The following CDH8 variants were observed in gnomAD, a reference collection of about 807,000 sequenced individuals.
The protein encoded by CDH8 is cadherin-8.
CDH8 carries 17 observed loss-of-function variants against 68.1 expected under a neutral mutation model. That is an observed-to-expected ratio of 0.25 (90% CI 0.17 to 0.37). The LOEUF is 0.37. CDH8 is among the 10% of genes least tolerant of loss of function. CDH8 has a pLI of 1.00. For synonymous variants in CDH8, 372 were observed against 365.1 expected (o/e 1.02, Z -0.21); for missense variants, 763 against 999.3 (o/e 0.76, Z 3.19).
intron 3 of CDH8, among the ~76,000 whole-genome samples, chr16:61,875,251 TCTTA>T (rs1647309984): frequency 6.6e-6 from 1 of 152,134 alleles, no homozygotes; most frequent in Non-Finnish European, 1.5e-5. Flanking sequence ...GTATCATGGC[TCTTA>T]CTGTTTTTAG....
chr16:61,831,963 T>C (rs2060777635), intron 4 of CDH8, among the ~76,000 whole-genome samples: 2 of 151,810 alleles, frequency 1.3e-5, no homozygotes, highest in Admixed American at 1.3e-4. Context: ...AGGGGTCTTT[T>C]ACTTATGAGG....
At chr16:61,745,604 T>C (rs1233120091) in intron 8 of CDH8, among the ~76,000 whole-genome samples, 3 of 151,376 alleles carry the variant, frequency 2.0e-5, no homozygotes, top group Non-Finnish European at 3.0e-5. Flanking sequence ...TCTTTTTTTT[T>C]TTTTCTATTC....
chr16:61,923,973 A>G (rs1003399611), intron 2 of CDH8, among the ~76,000 whole-genome samples: 8 of 151,116 alleles, frequency 5.3e-5, no homozygotes, highest in Admixed American at 1.3e-4. Flanking sequence ...GTAAAAACAC[A>G]GATTACTGGG....
chr16:61,889,568 G>A (rs147152160), intron 3 of CDH8, among the ~76,000 whole-genome samples: 2 of 152,220 alleles, frequency 1.3e-5, no homozygotes, highest in East Asian at 1.9e-4. Context: ...TATGTGTTTC[G>A]GAGCTGCCCT....
Position 61,789,494 on chromosome 16 carries a change from A to C in CDH8, c.1278-12T>G, listed in dbSNP as rs375986777. The C allele has an allele frequency of 1.3e-5, 21 of 1,611,298 alleles. No individual in the cohort carries two copies. In the African/African-American group the frequency reaches 2.4e-4, roughly 18 times the overall value. On this transcript the variant is annotated splice_polypyrimidine_tract_variant and intron_variant, in intron 7 of 11. Coordinates refer to ENST00000577390, the MANE Select transcript of CDH8 (RefSeq NM_001796.5). ...GGTCGATGGAAAACCTACAAAACAG[A>C]CACATCTGTAATCTACTTCAATGTT...
rs781148249 is a variant in CDH8, at chr16:61,706,620, C to CAAAAAAAAA, written c.1654+7212_1654+7220dup. The stretch of plus-strand genomic sequence containing the variant: ...TGGGCACCAGAGCAAGACTCTGTCT[C>CAAAAAAAAA]AAAAAAAAAAAAAAAAAAAAAAAAG... On this transcript the variant is annotated intron_variant, in intron 10 of 11. Coordinates refer to ENST00000577390, the MANE Select transcript of CDH8 (RefSeq NM_001796.5). 5.5e-4 allele frequency among the ~76,000 whole-genome samples: 33 copies of CAAAAAAAAA among 60,378 alleles called. 1 individual carries two copies. Among genetic ancestry groups the CAAAAAAAAA allele is most frequent in the African/African-American group, 8.4e-4 (12 of 14,324 alleles). The allele number at this position is 60,378 out of a possible 152,430, so 39.6% of individuals were successfully genotyped here.
intron 1 of CDH8, among the ~76,000 whole-genome samples, chr16:62,025,627 T>C (rs971392893): frequency 2.0e-5 from 3 of 152,220 alleles, no homozygotes; most frequent in African/African-American, 7.2e-5. Flanking sequence ...GAAACACTTA[T>C]ATGCCATCTC....
At chr16:61,802,061 T>C (rs1961657689) in intron 7 of CDH8, among the ~76,000 whole-genome samples, 1 of 143,884 alleles carries the variant, frequency 7.0e-6, no homozygotes, top group Non-Finnish European at 1.5e-5. Context: ...GACTTAAGTG[T>C]CCCTGTCTGA....
At chr16:61,968,449 T>A (rs1051180122) in intron 2 of CDH8, among the ~76,000 whole-genome samples, 2 of 152,110 alleles carry the variant, frequency 1.3e-5, no homozygotes, top group Admixed American at 1.3e-4. Context: ...CAATGGTGAG[T>A]CAAATCCAGT....
chr16:61,817,708 A>C lies in CDH8; in HGVS notation c.1048T>G (p.Ser350Ala), dbSNP rs746899455. The change falls in exon 7 of 12, where the codon TCC (serine) becomes GCC (alanine). Residue 350 changes from serine to alanine, a missense_variant. Ser to Ala is a moderately conservative substitution (Grantham distance 99, BLOSUM62 1). This residue lies in a region of CDH8 where 366 missense variants were observed against 563.1 expected (regional missense o/e 0.65). Transcript: ENST00000577390. ...RKPLDFETKKSYTLKVEAANV... is the reference protein window; with the variant it reads ...RKPLDFETKKAYTLKVEAANV... ...GCTGCCTCTACCTTTAGCGTATAGGATTTTTTGGTCTCAAAGTCCAGAGGC... is the reference window on the plus strand; with the variant it reads ...GCTGCCTCTACCTTTAGCGTATAGGCTTTTTTGGTCTCAAAGTCCAGAGGC... 1 of 1,579,002 alleles carries C rather than the reference A, an allele frequency of 6.3e-7. No individual in the cohort carries two copies. The highest frequency in any genetic ancestry group is 1.2e-5 in the South Asian group (1 of 85,076).
Position 61,655,502 on chromosome 16 carries a change from A to G in CDH8, c.1874T>C (p.Ile625Thr), listed in dbSNP as rs1436720881. 1 of 1,614,148 alleles carries G rather than the reference A, an allele frequency of 6.2e-7. No individual in the cohort carries two copies. Among genetic ancestry groups the G allele is most frequent in the Non-Finnish European group, 8.5e-7 (1 of 1,180,020 alleles). The change falls in exon 11 of 12, where the codon ATT (isoleucine) becomes ACT (threonine). Residue 625 changes from isoleucine to threonine, a missense_variant. Physicochemically the swap from Ile to Thr is moderately conservative, Grantham distance 89. This residue lies in a region of CDH8 where 397 missense variants were observed against 436.2 expected (regional missense o/e 0.91). Transcript: ENST00000577390. ...LPIGLSMGAL[I>T]AILACIILLL... Reference sequence around the variant, plus strand: ...CAAAATGATGCATGCTAATATGGCAATTAAGGCGCCCATACTGAGTCCAAT... The same window carrying G: ...CAAAATGATGCATGCTAATATGGCAGTTAAGGCGCCCATACTGAGTCCAAT...
intron 6 of CDH8, 71 bp from the exon 7 acceptor site, chr16:61,817,803 C>T (rs1962115416): frequency 2.1e-6 from 3 of 1,443,572 alleles, no homozygotes; most frequent in Non-Finnish European, 2.8e-6. Flanking sequence ...GAGTATAATG[C>T]TGATGGATGA....
chr16:61,795,490 T>C (rs1961475175), intron 7 of CDH8, among the ~76,000 whole-genome samples: 2 of 152,112 alleles, frequency 1.3e-5, no homozygotes, highest in African/African-American at 4.8e-5. Flanking sequence ...CAGATGTTCA[T>C]CTATAAATAG....
At chr16:61,845,467 G>T (rs1386978158) in intron 4 of CDH8, among the ~76,000 whole-genome samples, 1 of 138,504 alleles carries the variant, frequency 7.2e-6, no homozygotes, top group Non-Finnish European at 1.5e-5. Flanking sequence ...TTTACCGCAC[G>T]TGAAAACTAC....
intron 4 of CDH8, among the ~76,000 whole-genome samples, chr16:61,832,128 C>T (rs1474139809): frequency 6.6e-6 from 1 of 151,698 alleles, no homozygotes; most frequent in Non-Finnish European, 1.5e-5. Flanking sequence ...CACACACCCA[C>T]CTTACCACTG....
In CDH8 at chr16:61,669,385, TG is replaced by T. The variant is rs374647393; in HGVS notation, c.1655-13665del. 2.4e-4 allele frequency among the ~76,000 whole-genome samples: 37 copies of T among 152,182 alleles called. 1 individual carries two copies. The East Asian group carries it at 5.8e-3, about 24-fold the overall frequency. On this transcript the variant is annotated intron_variant, in intron 10 of 11. Coordinates refer to ENST00000577390, the MANE Select transcript of CDH8 (RefSeq NM_001796.5). ...CCCAGCATGCCGCAATACAGTGGTG[TG>T]TGTTGCTTTTCTGTTTCACCAACTG...
chr16:62,020,568 T>C (rs1902050210), intron 2 of CDH8, among the ~76,000 whole-genome samples: 2 of 152,098 alleles, frequency 1.3e-5, no homozygotes, highest in Non-Finnish European at 2.9e-5. Flanking sequence ...TGATTTCACC[T>C]GACAATGAAT....
intron 8 of CDH8, among the ~76,000 whole-genome samples, chr16:61,784,850 T>G (rs372291579): frequency 6.6e-6 from 1 of 152,000 alleles, no homozygotes; most frequent in Non-Finnish European, 1.5e-5. Context: ...GGGTACATAA[T>G]GAAATAAAGG....
chr16:61,964,279 A>G (rs972629576), intron 2 of CDH8, among the ~76,000 whole-genome samples: 4 of 152,194 alleles, frequency 2.6e-5, no homozygotes, highest in Non-Finnish European at 5.9e-5. Context: ...CAATTATTCC[A>G]GTTCAGGGTT....
Sources: gnomAD v4.1 joint callset for allele counts (sites outside exome capture counted in the v4.1 genomes callset) on GRCh38, gnomAD v4.1.1 for gene constraint, gnomAD v4.1.1 regional missense constraint, MANE v1.5 for transcripts, NCBI Gene and HGNC (gene_info 2026-07-23, HGNC 2026-07-21) for gene names.